Variants in NEBL observed in about 807,000 individuals in gnomAD.
NEBL encodes LIM and SH3 protein 2.
NEBL carries 122 observed loss-of-function variants against 140.2 expected under a neutral mutation model. The ratio of observed to expected loss-of-function variants is 0.87; its 90% CI spans 0.75 to 1.01. The LOEUF (loss-of-function observed/expected upper bound fraction) is 1.01. Ranked by LOEUF, NEBL falls within the 50% of genes least tolerant of loss-of-function variation. NEBL has a pLI of 0.00. For synonymous variants in NEBL, 436 were observed against 398.9 expected (o/e 1.09, Z -1.11); for missense variants, 1,365 against 1,231.3 (o/e 1.11, Z -1.62).
At chr10:20,950,125 T>G (rs1397149618) in intron 4 of NEBL, among the ~76,000 whole-genome samples, 4 of 152,242 alleles carry the variant, frequency 2.6e-5, no homozygotes, top group African/African-American at 9.6e-5. Flanking sequence ...CTTGTTGCTC[T>G]AACATTGTCT....
At chr10:21,123,684 A>C (rs1383295440) in intron 2 of NEBL, among the ~76,000 whole-genome samples, 2 of 151,614 alleles carry the variant, frequency 1.3e-5, no homozygotes, top group African/African-American at 4.8e-5. Context: ...TCCAGTCTAT[A>C]GTTCCCCTTC....
intron 2 of NEBL, among the ~76,000 whole-genome samples, chr10:21,022,462 G>A (rs1278753921): frequency 6.6e-6 from 1 of 152,182 alleles, no homozygotes; most frequent in African/African-American, 2.4e-5. Context: ...AGTCAGATTC[G>A]TGGTAGGAAA....
intron 2 of NEBL, among the ~76,000 whole-genome samples, chr10:20,893,368 A>G (rs788966): frequency 0.23 from 34,741 of 152,186 alleles, 4,296 homozygotes; most frequent in East Asian, 0.42. Context: ...TATATCTGAG[A>G]AAATAATAGT....
At chr10:21,046,877 C>T (rs1834543687) in intron 2 of NEBL, among the ~76,000 whole-genome samples, 1 of 152,310 alleles carries the variant, frequency 6.6e-6, no homozygotes, top group African/African-American at 2.4e-5. Flanking sequence ...GCTGGGATTA[C>T]AGGCATGAGC....
Position 20,816,451 on chromosome 10 carries a change from C to G in NEBL, c.2149-734G>C, listed in dbSNP as rs1259630989. ...AAAAGCCAGCATGCTTCTCACTGGTCCACTCCTTGTCTAAATAACCATGTT... is the reference window on the plus strand; with the variant it reads ...AAAAGCCAGCATGCTTCTCACTGGTGCACTCCTTGTCTAAATAACCATGTT... On this transcript the variant is annotated intron_variant, in intron 21 of 27. Transcript: ENST00000377122. Among the ~76,000 whole-genome samples, 2 of 152,094 alleles carry G rather than the reference C, an allele frequency of 1.3e-5. 1 individual carries two copies. Among genetic ancestry groups the G allele is most frequent in the East Asian group, 3.9e-4 (2 of 5,178 alleles).
At chr10:20,986,534 T>G (rs990956441) in intron 3 of NEBL, among the ~76,000 whole-genome samples, 1 of 152,198 alleles carries the variant, frequency 6.6e-6, no homozygotes. Flanking sequence ...TGTTCCTAAA[T>G]AATGGCTAAA....
intron 4 of NEBL, among the ~76,000 whole-genome samples, chr10:20,903,584 C>G (rs1390295206): frequency 6.6e-6 from 1 of 152,108 alleles, no homozygotes; most frequent in African/African-American, 2.4e-5. Context: ...TCTCACAGCA[C>G]AATTCGCAAT....
intron 3 of NEBL, among the ~76,000 whole-genome samples, chr10:21,220,925 G>T (rs1204607706): frequency 6.6e-6 from 1 of 152,212 alleles, no homozygotes; most frequent in Non-Finnish European, 1.5e-5. Context: ...GGAGGCCGAG[G>T]CAGGAGGATT....
chr10:21,132,439 T>C (rs1020057229), intron 2 of NEBL, among the ~76,000 whole-genome samples: 1 of 152,250 alleles, frequency 6.6e-6, no homozygotes, highest in African/African-American at 2.4e-5. Flanking sequence ...ATAATGCTTC[T>C]GTGAACATTC....
intron 5 of NEBL, among the ~76,000 whole-genome samples, chr10:20,875,229 T>C (rs916077789): frequency 6.6e-5 from 10 of 152,196 alleles, no homozygotes; most frequent in Non-Finnish European, 1.3e-4. Context: ...TTCTGTTTCA[T>C]AAGAGCCATG....
At chr10:20,786,085 C>G (rs1564322591) in intron 27 of NEBL, among the ~76,000 whole-genome samples, 162 bp from the exon 28 acceptor site, 2 of 152,140 alleles carry the variant, frequency 1.3e-5, no homozygotes, top group South Asian at 4.1e-4. Context: ...GTGCTGATCT[C>G]AAGTTTACTA....
Position 21,031,970 on chromosome 10 carries a change from T to C in NEBL, c.165-11769A>G, listed in dbSNP as rs1833819100. On this transcript the variant is annotated intron_variant, in intron 2 of 6. Transcript: ENST00000417816. ...AGATAACAAGAAAAACAGAACATTT[T>C]TCCCTTGAATAAAAAACTCAAAACT... 2.0e-5 allele frequency among the ~76,000 whole-genome samples: 3 copies of C among 152,200 alleles called. No individual in the cohort carries two copies. In the South Asian group the frequency reaches 6.2e-4, roughly 32 times the overall value.
rs1215334265 is a variant in NEBL at position 20,819,407 on chromosome 10, A to G, written c.2055+17T>C. On this transcript the variant is annotated intron_variant, in intron 20 of 27. Transcript: ENST00000377122. ...GTTATGTTTGAGAAAATATAAAAGGAAACAGAAACGACTTGCCGCACTCAG... is the reference window on the plus strand; with the variant it reads ...GTTATGTTTGAGAAAATATAAAAGGGAACAGAAACGACTTGCCGCACTCAG... 6.2e-7 allele frequency: 1 copy of G among 1,614,056 alleles called. No individual in the cohort carries two copies. The highest frequency in any genetic ancestry group is 1.1e-5 in the South Asian group (1 of 91,084).
Position 21,126,034 on chromosome 10 carries a change from G to C in NEBL, c.164+46349C>G, listed in dbSNP as rs201238723. 81 of 1,614,180 alleles carry C rather than the reference G, an allele frequency of 5.0e-5. No homozygotes were observed. The African/African-American group carries it at 9.1e-4, about 18-fold the overall frequency. ...GACTCTCCGCAGCCACCTGGCAAGC[G>C]TTGGCCAGCTTTGCAGCCTTCTGGT... is the stretch of plus-strand genomic sequence containing the variant. On this transcript the variant is annotated intron_variant, in intron 2 of 6. Transcript: ENST00000417816.
intron 3 of NEBL, among the ~76,000 whole-genome samples, chr10:20,981,412 A>C (rs1211987067): frequency 1.4e-5 from 2 of 144,696 alleles, no homozygotes; most frequent in East Asian, 2.3e-4. Flanking sequence ...TCATAAAAAA[A>C]ACACACACAA....
intron 2 of NEBL, among the ~76,000 whole-genome samples, chr10:21,105,485 C>T (rs1471149273): frequency 6.6e-6 from 1 of 152,146 alleles, no homozygotes; most frequent in African/African-American, 2.4e-5. Flanking sequence ...TCACTTCCAG[C>T]TTCATCCATG....
intron 2 of NEBL, among the ~76,000 whole-genome samples, chr10:21,152,351 A>G (rs556941263): frequency 1.3e-5 from 2 of 152,312 alleles, no homozygotes; most frequent in African/African-American, 4.8e-5. Flanking sequence ...AAGGCATCCA[A>G]TGAGCATCTC....
intron 3 of NEBL, among the ~76,000 whole-genome samples, chr10:20,972,458 A>C (rs1428803659): frequency 2.0e-5 from 3 of 152,054 alleles, no homozygotes; most frequent in Non-Finnish European, 4.4e-5. Flanking sequence ...TTAAAAATCA[A>C]TATAGGCCAG....
intron 3 of NEBL, among the ~76,000 whole-genome samples, chr10:21,246,009 T>C (rs755964737): frequency 1.8e-4 from 28 of 152,228 alleles, no homozygotes; most frequent in Non-Finnish European, 3.8e-4. Context: ...ATTACTTTTT[T>C]ATATACTTTT....
Sources: gnomAD v4.1 joint callset for allele counts (sites outside exome capture counted in the v4.1 genomes callset) on GRCh38, gnomAD v4.1.1 for gene constraint, MANE v1.5 for transcripts, NCBI Gene and HGNC (gene_info 2026-07-23, HGNC 2026-07-21) for gene names.